SORCS1: variants seen among roughly 807,000 people sequenced by gnomAD.
SORCS1 encodes the protein VPS10 domain-containing receptor SorCS1.
SORCS1 carries 60 observed loss-of-function variants against 146.1 expected under a neutral mutation model. The observed-to-expected ratio is 0.41, with a 90% CI of 0.33 to 0.51. The LOEUF is 0.51. Ranked by LOEUF, SORCS1 falls within the 20% of genes least tolerant of loss-of-function variation. The pLI is 0.21. For missense variants in SORCS1, 1,352 were observed against 1,487.6 expected, an observed-to-expected ratio of 0.91 and a Z score of 1.50; for synonymous variants, 637 against 584.0, an observed-to-expected ratio of 1.09 and a Z score of -1.31.
chr10:107,066,785 C>T (rs1057265995), intron 1 of SORCS1, among the ~76,000 whole-genome samples: 11 of 151,996 alleles, frequency 7.2e-5, no homozygotes, highest in African/African-American at 2.7e-4. Context: ...TAGTGTGTTC[C>T]CAACCATATA....
chr10:107,080,440 T>C (rs974202669), intron 1 of SORCS1, among the ~76,000 whole-genome samples: 1 of 152,178 alleles, frequency 6.6e-6, no homozygotes, highest in African/African-American at 2.4e-5. Flanking sequence ...AAGACAATTT[T>C]TGTCCTCAGG....
chr10:106,718,524 G>A (rs767023302), intron 6 of SORCS1, among the ~76,000 whole-genome samples: 4 of 149,800 alleles, frequency 2.7e-5, no homozygotes, highest in Admixed American at 6.6e-5. Context: ...AAACCTTCGC[G>A]CTGTTACAGC....
intron 2 of SORCS1, among the ~76,000 whole-genome samples, chr10:106,951,524 A>AAAC (rs1554892883): frequency 1.3e-5 from 2 of 151,748 alleles, no homozygotes; most frequent in African/African-American, 4.8e-5. Context: ...AAAAAAAAAA[A>AAAC]AAAAAACGGA....
upstream of SORCS1, among the ~76,000 whole-genome samples, chr10:107,166,404 G>T (rs770912184): frequency 1.3e-5 from 2 of 152,198 alleles, no homozygotes; most frequent in Non-Finnish European, 2.9e-5. Context: ...GACCAGCGCA[G>T]AAAAAGTGCA....
intron 18 of SORCS1, 66 bp downstream of exon 18, chr10:106,652,316 A>T: frequency 1.4e-6 from 2 of 1,444,650 alleles, no homozygotes; most frequent in Non-Finnish European, 1.8e-6. Context: ...ATGGAAACAA[A>T]ACCATGGTTT....
At chr10:106,794,691 G>A (rs1246012292) in intron 3 of SORCS1, among the ~76,000 whole-genome samples, 1 of 151,892 alleles carries the variant, frequency 6.6e-6, no homozygotes, top group East Asian at 1.9e-4. Flanking sequence ...TTTTAGTAGA[G>A]ACGGGTTTTC....
chr10:106,706,524 AG>A lies in SORCS1; in HGVS notation c.1233+20del. On this transcript the variant is annotated intron_variant, in intron 8 of 25. Transcript: ENST00000263054. The stretch of plus-strand genomic sequence containing the variant: ...TGAATGAGAGTCAAGAGTGAAATGA[AG>A]AAAGTGATTTAGGCCATACCTTGGG... 6.2e-7 allele frequency: 1 copy of A among 1,611,844 alleles called. No homozygotes were observed. The highest frequency in any genetic ancestry group is 1.1e-5 in the South Asian group (1 of 91,026).
At chr10:106,882,217 G>C (rs929705234) in intron 2 of SORCS1, among the ~76,000 whole-genome samples, 5 of 151,908 alleles carry the variant, frequency 3.3e-5, no homozygotes, top group Admixed American at 2.0e-4. Flanking sequence ...ATTGGACGAA[G>C]AAGAATTGTC....
chr10:106,824,029 C>T (rs939545312), intron 3 of SORCS1, among the ~76,000 whole-genome samples: 5 of 152,112 alleles, frequency 3.3e-5, no homozygotes, highest in East Asian at 1.9e-4. Flanking sequence ...ATGGGCCTGG[C>T]GTGGTGGCTC....
chr10:107,070,960 C>A (rs1013460830), intron 1 of SORCS1, among the ~76,000 whole-genome samples: 15 of 151,944 alleles, frequency 9.9e-5, no homozygotes, highest in African/African-American at 3.6e-4. Context: ...TGCTACTGAC[C>A]TCAGTCAGTA....
chr10:107,168,091 G>C (rs1590290637), upstream of SORCS1, among the ~76,000 whole-genome samples: 2 of 152,064 alleles, frequency 1.3e-5, no homozygotes, highest in East Asian at 3.9e-4. Context: ...ATCACATTTG[G>C]CAGGATTCTC....
intron 9 of SORCS1, among the ~76,000 whole-genome samples, chr10:106,694,836 G>A (rs1210516563): frequency 6.6e-6 from 1 of 152,154 alleles, no homozygotes; most frequent in Non-Finnish European, 1.5e-5. Flanking sequence ...TCAGCCAGGT[G>A]GCTTCACTCC....
chr10:106,652,280 C>A, intron 18 of SORCS1, 102 bp downstream of exon 18: 2 of 1,307,532 alleles, frequency 1.5e-6, no homozygotes, highest in African/African-American at 1.5e-5. Context: ...TAAATAGCAT[C>A]TAAAATGGAG....
At chr10:106,940,617 C>T (rs1314657908) in intron 2 of SORCS1, among the ~76,000 whole-genome samples, 2 of 152,214 alleles carry the variant, frequency 1.3e-5, no homozygotes, top group African/African-American at 4.8e-5. Flanking sequence ...GACATGGTGG[C>T]TCACGCCTGT....
At chr10:106,706,210 A>AAAGAAAGAAAG (rs1564880132) in intron 8 of SORCS1, among the ~76,000 whole-genome samples, 1 of 145,812 alleles carries the variant, frequency 6.9e-6, no homozygotes, top group Non-Finnish European at 1.5e-5. Flanking sequence ...AAGAAAGAAA[A>AAAGAAAGAAAG]AAGAAAGAAA....
At chr10:107,101,372 G>A (rs1298596338) in intron 1 of SORCS1, among the ~76,000 whole-genome samples, 1 of 152,102 alleles carries the variant, frequency 6.6e-6, no homozygotes, top group Non-Finnish European at 1.5e-5. Context: ...GTAGAAACAT[G>A]GTCTCACTAT....
intron 5 of SORCS1, among the ~76,000 whole-genome samples, chr10:106,732,561 T>G (rs79204223): frequency 0.017 from 2,571 of 152,256 alleles, 38 homozygotes; most frequent in Non-Finnish European, 0.025. Context: ...GCCTTAAGTT[T>G]CATCCTTGAA....
chr10:106,767,922 T>C (rs1165327278), intron 4 of SORCS1, among the ~76,000 whole-genome samples: 1 of 152,236 alleles, frequency 6.6e-6, no homozygotes, highest in Admixed American at 6.5e-5. Context: ...CCTGTTCAAA[T>C]CTTAAACCCA....
At chr10:107,137,530 A>T (rs654942) in intron 1 of SORCS1, among the ~76,000 whole-genome samples, 4,422 of 152,220 alleles carry the variant, frequency 0.029, 231 homozygotes, top group African/African-American at 0.1. Context: ...CATAGCAAAA[A>T]TATCTGTCCC....
Sources: gnomAD v4.1 joint callset for allele counts (sites outside exome capture counted in the v4.1 genomes callset) on GRCh38, gnomAD v4.1.1 for gene constraint, MANE v1.5 for transcripts, NCBI Gene and HGNC (gene_info 2026-07-23, HGNC 2026-07-21) for gene names.